Variants in PDZD9 observed in about 807,000 individuals in gnomAD.
PDZD9 encodes PDZ domain-containing protein 9.
Under a neutral mutation model 16.3 loss-of-function variants are expected in PDZD9, and 13 were observed. That is an observed-to-expected ratio of 0.80 (90% confidence interval 0.52 to 1.27). PDZD9 has a LOEUF of 1.27. Ranked by LOEUF, PDZD9 falls within the 50% of genes most tolerant of loss-of-function variation. The probability of loss-of-function intolerance (pLI) is 0.00; values close to 1 mark genes in which losing one functional copy is unlikely to be tolerated. For synonymous variants in PDZD9, 120 were observed against 111.0 expected, an observed-to-expected ratio of 1.08 and a Z score of -0.51; for missense variants, 288 against 310.9, an observed-to-expected ratio of 0.93 and a Z score of 0.55.
the PDZD9 span, among the ~76,000 whole-genome samples, chr16:21,967,007 G>T: frequency 1.1e-4 from 17 of 152,096 alleles, no homozygotes; most frequent in South Asian, 1.2e-3. Context: ...ATACCAAAAG[G>T]TCCCTTTTTT....
chr16:21,980,588 C>T (rs1898698550), downstream of PDZD9: 3 of 1,614,042 alleles, frequency 1.9e-6, no homozygotes, highest in Non-Finnish European at 2.5e-6. Context: ...GTGGAGTCTT[C>T]TGAGTGTTTC....
chr16:21,995,114 G>A (rs977458922), intron 2 of PDZD9: 3 of 409,012 alleles, frequency 7.3e-6, no homozygotes, highest in African/African-American at 4.1e-5. Flanking sequence ...TGGATCACAA[G>A]GGCAGATTTC....
the PDZD9 span, chr16:21,971,427 G>A: frequency 2.0e-6 from 2 of 997,210 alleles, no homozygotes; most frequent in Non-Finnish European, 3.0e-6. Context: ...TGTAGTGTTA[G>A]GATTTTACAA....
At chr16:21,980,493 A>G (rs1218491706), downstream of PDZD9, 10 of 1,584,872 alleles carry the variant, frequency 6.3e-6, no homozygotes, top group East Asian at 2.2e-4. Flanking sequence ...CCACTCAGAA[A>G]AAAAAAATAA....
At chr16:21,958,538 A>G in the PDZD9 span, 1 of 1,612,188 alleles carries the variant, frequency 6.2e-7, no homozygotes, top group South Asian at 1.1e-5. Flanking sequence ...TTTCAAGACG[A>G]CAAAAGGAGC....
chr16:21,996,811 A>G (rs2141963175), intron 1 of PDZD9, among the ~76,000 whole-genome samples: 1 of 152,232 alleles, frequency 6.6e-6, no homozygotes, highest in Non-Finnish European at 1.5e-5. Context: ...ATGGTGAGCA[A>G]AACAGATGTG....
chr16:21,962,545 T>G, the PDZD9 span: 5 of 1,613,998 alleles, frequency 3.1e-6, no homozygotes, highest in Non-Finnish European at 4.2e-6. Context: ...TTAGGACTTC[T>G]GCTTTGAAAG....
At chr16:21,995,718 C>T (rs1298329509) in intron 2 of PDZD9, among the ~76,000 whole-genome samples, 3 of 151,934 alleles carry the variant, frequency 2.0e-5, no homozygotes, top group Non-Finnish European at 4.4e-5. Context: ...CTGCCTGAGC[C>T]TCCTGAGTAG....
the PDZD9 span, among the ~76,000 whole-genome samples, chr16:21,972,592 A>T: frequency 1.3e-5 from 2 of 152,154 alleles, no homozygotes; most frequent in African/African-American, 4.8e-5. Flanking sequence ...GAAAAATGAG[A>T]GGCTGGGCAC....
the PDZD9 span, among the ~76,000 whole-genome samples, chr16:21,970,248 A>G: frequency 6.6e-6 from 1 of 152,202 alleles, no homozygotes; most frequent in East Asian, 1.9e-4. Flanking sequence ...TGTCGTAAAT[A>G]TAAACATTCA....
the PDZD9 span, chr16:21,965,576 G>A: frequency 7.7e-7 from 1 of 1,293,046 alleles, no homozygotes; most frequent in Non-Finnish European, 1.0e-6. Flanking sequence ...TTTCAGGTTT[G>A]TTTGTTAATT....
rs1567483648 is a variant in PDZD9, at chr16:21,984,580, C to A, written c.482G>T (p.Arg161Ile). 6.4e-6 allele frequency: 10 copies of A among 1,561,090 alleles called. No individual in the cohort carries two copies. In the South Asian group the frequency reaches 8.4e-5, roughly 13 times the overall value. Residue 161 changes from arginine to isoleucine, a missense_variant, in exon 4 of 4, where the codon AGA (arginine) becomes ATA (isoleucine). Transcript: ENST00000424898. The stretch of plus-strand genomic sequence containing the variant: ...CCACGGATATCTATAATATTGAAGT[C>A]TTTTATCTAAATCTACATTTTCATT... The part of the protein sequence containing the change: ...DDNENVDLDK[R>I]LQYYRYPWST...
chr16:21,983,142 G>C, downstream of PDZD9: 1 of 1,613,998 alleles, frequency 6.2e-7, no homozygotes. Context: ...TGGAAATTTG[G>C]GACATACACC....
the PDZD9 span, among the ~76,000 whole-genome samples, chr16:21,963,612 C>T: frequency 6.6e-6 from 1 of 151,938 alleles, no homozygotes; most frequent in South Asian, 2.1e-4. Flanking sequence ...TACAGGCACA[C>T]ACCACCGCAC....
At chr16:21,983,313 C>T (rs532080880), downstream of PDZD9, 1 of 673,622 alleles carries the variant, frequency 1.5e-6, no homozygotes, top group Admixed American at 3.3e-5. Context: ...TAATTATTCC[C>T]AGCTGACCTA....
chr16:21,981,043 T>C (rs1448461381), downstream of PDZD9, among the ~76,000 whole-genome samples: 2 of 152,218 alleles, frequency 1.3e-5, no homozygotes, highest in African/African-American at 4.8e-5. Context: ...AATGGGCTTA[T>C]GTTAGATGAC....
chr16:21,992,099 C>T (rs894384371), intron 2 of PDZD9, among the ~76,000 whole-genome samples: 4 of 152,066 alleles, frequency 2.6e-5, no homozygotes, highest in African/African-American at 4.8e-5. Flanking sequence ...TGAAGTGGCT[C>T]ATGCCTGTAA....
chr16:21,982,604 A>C (rs941824900), downstream of PDZD9, among the ~76,000 whole-genome samples: 3 of 152,200 alleles, frequency 2.0e-5, no homozygotes, highest in Non-Finnish European at 2.9e-5. Context: ...ACACTGTCCC[A>C]AATTAAAGCA....
At chr16:21,964,518 TCTC>T in the PDZD9 span, among the ~76,000 whole-genome samples, 14 of 152,290 alleles carry the variant, frequency 9.2e-5, no homozygotes, top group South Asian at 2.5e-3. Context: ...TCTACCCTCT[TCTC>T]CTTCCAGCTG....
Sources: gnomAD v4.1 joint callset for allele counts (sites outside exome capture counted in the v4.1 genomes callset) on GRCh38, gnomAD v4.1.1 for gene constraint, MANE v1.5 for transcripts, NCBI Gene and HGNC (gene_info 2026-07-23, HGNC 2026-07-21) for gene names.